MALRD1: variants seen among roughly 807,000 people sequenced by gnomAD.
MALRD1 encodes the protein MAM and LDL receptor class A domain containing 1.
Under a neutral mutation model 242.1 loss-of-function variants are expected in MALRD1, and 247 were observed. That is an observed-to-expected ratio of 1.02 (90% confidence interval 0.92 to 1.13). The LOEUF is 1.13. Among genes scored for constraint, MALRD1 ranks in the 50% most tolerant of loss-of-function variants. MALRD1 has a pLI of 0.00. For synonymous variants in MALRD1, 995 were observed against 866.6 expected (o/e 1.15, Z -2.60); for missense variants, 2,989 against 2,533.1 (o/e 1.18, Z -3.86).
chr10:19,116,000 A>C (rs1836858324), intron 5 of MALRD1, among the ~76,000 whole-genome samples: 1 of 152,344 alleles, frequency 6.6e-6, no homozygotes, highest in South Asian at 2.1e-4. Flanking sequence ...TTTAATATGA[A>C]AGAAATTGTT....
intron 31 of MALRD1, among the ~76,000 whole-genome samples, chr10:19,522,547 A>G (rs531627150): frequency 6.6e-6 from 1 of 152,274 alleles, no homozygotes; most frequent in Admixed American, 6.5e-5. Flanking sequence ...CCTGTCTTTC[A>G]GTGGTAGTAC....
At chr10:19,644,368 G>T (rs1162961961) in intron 36 of MALRD1, among the ~76,000 whole-genome samples, 1 of 152,208 alleles carries the variant, frequency 6.6e-6, no homozygotes, top group African/African-American at 2.4e-5. Context: ...ATTTGAAAGA[G>T]ACATTAACGT....
intron 13 of MALRD1, among the ~76,000 whole-genome samples, chr10:19,166,753 C>A (rs984029234): frequency 1.3e-5 from 2 of 152,082 alleles, no homozygotes; most frequent in African/African-American, 4.8e-5. Context: ...TGTGTCTTGT[C>A]AAATGGGTGT....
intron 35 of MALRD1, among the ~76,000 whole-genome samples, chr10:19,611,239 T>G (rs770812281): frequency 9.2e-5 from 14 of 151,958 alleles, no homozygotes; most frequent in Non-Finnish European, 2.1e-4. Flanking sequence ...AAGTCTTAAA[T>G]GACTGAGCCA....
chr10:19,720,550 T>G (rs1273312878), intron 38 of MALRD1, among the ~76,000 whole-genome samples: 3 of 152,178 alleles, frequency 2.0e-5, no homozygotes, highest in Non-Finnish European at 4.4e-5. Context: ...AAAGTCTAAG[T>G]TCCATCCTGC....
At chr10:19,715,002 A>T (rs992155835) in intron 38 of MALRD1, among the ~76,000 whole-genome samples, 1 of 152,246 alleles carries the variant, frequency 6.6e-6, no homozygotes. Context: ...TACTGTTAAC[A>T]TTTTGATGTA....
intron 29 of MALRD1, among the ~76,000 whole-genome samples, chr10:19,454,364 T>C (rs1302554498): frequency 7.4e-6 from 1 of 135,758 alleles, no homozygotes; most frequent in Non-Finnish European, 1.5e-5. Context: ...GGTTTGAGAA[T>C]TGGTTGTGAG....
intron 36 of MALRD1, among the ~76,000 whole-genome samples, chr10:19,674,806 A>G (rs371323438): frequency 6.6e-6 from 1 of 151,686 alleles, no homozygotes; most frequent in African/African-American, 2.4e-5. Flanking sequence ...ACTTGCAGCC[A>G]TTTTCAATTG....
intron 35 of MALRD1, among the ~76,000 whole-genome samples, chr10:19,608,190 C>G (rs1434765032): frequency 1.3e-5 from 2 of 152,038 alleles, no homozygotes; most frequent in East Asian, 3.9e-4. Flanking sequence ...ATTTAATAAT[C>G]TCTCCTCTGA....
intron 11 of MALRD1, among the ~76,000 whole-genome samples, chr10:19,149,622 C>A (rs147364904): frequency 1.3e-5 from 2 of 152,156 alleles, no homozygotes; most frequent in East Asian, 3.9e-4. Flanking sequence ...TATCTTCTTA[C>A]TAAAGATAGC....
chr10:19,653,764 A>G (rs1362854511), intron 36 of MALRD1, among the ~76,000 whole-genome samples: 1 of 152,198 alleles, frequency 6.6e-6, no homozygotes, highest in Non-Finnish European at 1.5e-5. Context: ...CGTAAATTTC[A>G]GAGTAATATC....
chr10:19,136,492 C>G (rs1833344373), intron 9 of MALRD1, 82 bp from the exon 10 acceptor site: 1 of 800,636 alleles, frequency 1.2e-6, no homozygotes, highest in African/African-American at 1.8e-5. Context: ...TCAATAACTA[C>G]TTTGTCTTTA....
intron 2 of MALRD1, among the ~76,000 whole-genome samples, chr10:19,072,392 T>C (rs945581049): frequency 1.3e-5 from 2 of 152,184 alleles, no homozygotes; most frequent in Non-Finnish European, 2.9e-5. Context: ...TTTATGAACA[T>C]GGAAATGTAT....
chr10:19,057,577 A>T (rs1258142075), intron 1 of MALRD1, among the ~76,000 whole-genome samples: 1 of 152,226 alleles, frequency 6.6e-6, no homozygotes, highest in Non-Finnish European at 1.5e-5. Context: ...GTATGCAAGA[A>T]ATCTAAAAAT....
At chr10:19,644,533 A>G (rs1330950587) in intron 36 of MALRD1, among the ~76,000 whole-genome samples, 1 of 1,008 alleles carries the variant, frequency 9.9e-4, no homozygotes, top group South Asian at 0.018. Flanking sequence ...ATCCTTCCAT[A>G]CAAGACAGCA....
At chr10:19,329,044 A>G (rs569110368) in intron 23 of MALRD1, among the ~76,000 whole-genome samples, 1 of 152,220 alleles carries the variant, frequency 6.6e-6, no homozygotes, top group Admixed American at 6.5e-5. Context: ...ATTTCAGCAC[A>G]TACAATCAAT....
intron 32 of MALRD1, among the ~76,000 whole-genome samples, chr10:19,558,725 A>G (rs1037883823): frequency 2.0e-5 from 3 of 151,984 alleles, no homozygotes; most frequent in Admixed American, 1.3e-4. Flanking sequence ...CTGGTTTTGT[A>G]TTATGGTTTT....
At chr10:19,313,592 T>C (rs188660625) in intron 21 of MALRD1, among the ~76,000 whole-genome samples, 7 of 151,678 alleles carry the variant, frequency 4.6e-5, no homozygotes, top group Admixed American at 4.0e-4. Context: ...TATATGAAGG[T>C]ATTAAATGAT....
intron 4 of MALRD1, among the ~76,000 whole-genome samples, chr10:19,097,017 G>A (rs1033045738): frequency 6.6e-6 from 1 of 152,126 alleles, no homozygotes; most frequent in African/African-American, 2.4e-5. Context: ...TAGCAAAGAC[G>A]GAAGCATTTC....
Sources: gnomAD v4.1 joint callset for allele counts (sites outside exome capture counted in the v4.1 genomes callset) on GRCh38, gnomAD v4.1.1 for gene constraint, MANE v1.5 for transcripts, NCBI Gene and HGNC (gene_info 2026-07-23, HGNC 2026-07-21) for gene names.